DRC8: variants seen among roughly 807,000 people sequenced by gnomAD.
The protein encoded by DRC8 is dynein regulatory complex subunit 8.
the DRC8 span, among the ~76,000 whole-genome samples, chr1:245,110,685 A>G: frequency 1.3e-5 from 2 of 152,264 alleles, no homozygotes; most frequent in Non-Finnish European, 2.9e-5. Flanking sequence ...GAAGGCAAAA[A>G]CATACAAACA....
the DRC8 span, among the ~76,000 whole-genome samples, chr1:245,043,412 G>T: frequency 1.7e-4 from 25 of 151,130 alleles, no homozygotes; most frequent in African/African-American, 7.3e-5. Flanking sequence ...CAGCCTGGGC[G>T]ACAGAGCGAG....
At chr1:245,088,584 C>T in the DRC8 span, among the ~76,000 whole-genome samples, 1 of 152,182 alleles carries the variant, frequency 6.6e-6, no homozygotes, top group South Asian at 2.1e-4. This position sits in a 1 kb window ranked among gnomAD's most constrained non-coding sequence, Gnocchi z 4.6. Context: ...GTGAGGGAAG[C>T]CTGCAAGGCA....
chr1:245,060,403 T>G, the DRC8 span, among the ~76,000 whole-genome samples: 11 of 152,110 alleles, frequency 7.2e-5, no homozygotes, highest in Non-Finnish European at 5.9e-5. Context: ...GAAAGATGAG[T>G]CTGCTGCACA....
the DRC8 span, among the ~76,000 whole-genome samples, chr1:245,011,775 A>C: frequency 2.0e-5 from 3 of 152,262 alleles, no homozygotes; most frequent in African/African-American, 7.2e-5. Context: ...TGTTGAACAA[A>C]GTTAAGTTTC....
At chr1:245,032,603 A>G in the DRC8 span, among the ~76,000 whole-genome samples, 3 of 152,202 alleles carry the variant, frequency 2.0e-5, no homozygotes, top group African/African-American at 7.2e-5. Flanking sequence ...TAAGTTATAA[A>G]CTTACTGATG....
chr1:245,053,274 A>G, the DRC8 span, among the ~76,000 whole-genome samples: 2 of 152,206 alleles, frequency 1.3e-5, no homozygotes, highest in Admixed American at 6.5e-5. Context: ...GAACCCATCA[A>G]TGATACTCAG....
At chr1:245,011,811 TTAATA>T in the DRC8 span, among the ~76,000 whole-genome samples, 1 of 152,292 alleles carries the variant, frequency 6.6e-6, no homozygotes, top group South Asian at 2.1e-4. Flanking sequence ...TCCAAAGACT[TTAATA>T]TACTAATACA....
At chr1:245,040,754 C>T in the DRC8 span, among the ~76,000 whole-genome samples, 1 of 152,064 alleles carries the variant, frequency 6.6e-6, no homozygotes, top group Non-Finnish European at 1.5e-5. Context: ...CCAGCCTGGC[C>T]AACATAGTGA....
chr1:245,094,938 T>C, the DRC8 span, among the ~76,000 whole-genome samples: 69 of 152,334 alleles, frequency 4.5e-4, no homozygotes, highest in Admixed American at 1.3e-3. Flanking sequence ...ATAATATCAC[T>C]GTGGAACCTA....
the DRC8 span, among the ~76,000 whole-genome samples, chr1:244,971,904 A>C: frequency 2.0e-5 from 3 of 151,032 alleles, no homozygotes; most frequent in African/African-American, 7.3e-5. Context: ...TACAAAGAAA[A>C]GGATAATTTT....
the DRC8 span, among the ~76,000 whole-genome samples, chr1:245,106,054 C>T: frequency 6.6e-6 from 1 of 152,334 alleles, no homozygotes; most frequent in African/African-American, 2.4e-5. Flanking sequence ...CAGAGCAAGA[C>T]CCTGTCTCTG....
the DRC8 span, among the ~76,000 whole-genome samples, chr1:245,114,554 T>C: frequency 6.6e-6 from 1 of 152,086 alleles, no homozygotes; most frequent in Non-Finnish European, 1.5e-5. Context: ...AGCCAAGTGG[T>C]TGGCCAGCAG....
the DRC8 span, among the ~76,000 whole-genome samples, chr1:245,105,622 C>CAAAAAAA: frequency 1.5e-4 from 17 of 114,252 alleles, no homozygotes; most frequent in Admixed American, 4.0e-4. Context: ...GACCCCATCT[C>CAAAAAAA]AAAAAAAAAA....
the DRC8 span, among the ~76,000 whole-genome samples, chr1:245,089,398 T>C: frequency 6.6e-6 from 1 of 151,812 alleles, no homozygotes; most frequent in South Asian, 2.1e-4. The surrounding 1 kb of genome is among the most constrained non-coding windows in gnomAD (Gnocchi z 4.8). Context: ...CCATGGGGGA[T>C]ATCAGCATTT....
the DRC8 span, among the ~76,000 whole-genome samples, chr1:245,033,417 A>G: frequency 6.6e-6 from 1 of 152,178 alleles, no homozygotes; most frequent in Non-Finnish European, 1.5e-5. Context: ...ATAAAGGATT[A>G]TGGATGAAAT....
chr1:244,970,754 C>T, the DRC8 span: 23 of 436,580 alleles, frequency 5.3e-5, no homozygotes, highest in Admixed American at 5.3e-5. Context: ...CCCTCTTCAC[C>T]CTCTTCCCCT....
At chr1:245,037,308 C>T in the DRC8 span, among the ~76,000 whole-genome samples, 5 of 152,032 alleles carry the variant, frequency 3.3e-5, no homozygotes, top group African/African-American at 1.2e-4. Flanking sequence ...GAGTTTATTC[C>T]AGAAATGTAA....
At chr1:244,969,799 G>A in the DRC8 span, 7 of 328,018 alleles carry the variant, frequency 2.1e-5, no homozygotes, top group Non-Finnish European at 3.9e-5. Flanking sequence ...GGAAAGGACG[G>A]TGAAGACTGG....
At chr1:245,111,445 C>T in the DRC8 span, among the ~76,000 whole-genome samples, 8 of 152,296 alleles carry the variant, frequency 5.3e-5, no homozygotes, top group African/African-American at 1.9e-4. Flanking sequence ...CTGCACAGAG[C>T]GAAGAACACT....
Sources: allele counts gnomAD v4.1 joint callset (sites outside exome capture counted in the v4.1 genomes callset), GRCh38; gene constraint gnomAD v4.1.1; non-coding constraint Gnocchi (gnomAD v3.1); transcripts MANE v1.5; gene names NCBI Gene and HGNC (gene_info 2026-07-23, HGNC 2026-07-21).